Variants in DOCK2 observed in about 807,000 individuals in gnomAD.
DOCK2 encodes dedicator of cytokinesis 2.
Under a neutral mutation model 248.9 loss-of-function variants are expected in DOCK2, and 87 were observed. The observed-to-expected ratio is 0.35, with a 90% CI of 0.29 to 0.42. The LOEUF is 0.42. Ranked by LOEUF, DOCK2 falls within the 10% of genes least tolerant of loss-of-function variation. The pLI, the probability that DOCK2 is intolerant of heterozygous loss-of-function variation, is 1.00. For missense variants in DOCK2, 1,747 were observed against 2,300.2 expected (o/e 0.76, Z 4.92); for synonymous variants, 805 against 821.6 (o/e 0.98, Z 0.35).
At chr5:169,739,066 A>G (rs1209315930) in intron 22 of DOCK2, among the ~76,000 whole-genome samples, 2 of 152,204 alleles carry the variant, frequency 1.3e-5, no homozygotes, top group African/African-American at 4.8e-5. Context: ...TAGCAAGGAA[A>G]ATGTTAAAAG....
chr5:169,652,077 G>A (rs1288959194), intron 1 of DOCK2, among the ~76,000 whole-genome samples: 1 of 152,244 alleles, frequency 6.6e-6, no homozygotes, highest in African/African-American at 2.4e-5. Flanking sequence ...CAGTAAGGTA[G>A]GGACCATTAT....
intron 28 of DOCK2, among the ~76,000 whole-genome samples, chr5:169,985,348 CGTGT>C (rs5873200): frequency 0.23 from 31,147 of 136,574 alleles, 2,876 homozygotes; most frequent in East Asian, 0.36. Flanking sequence ...CTAATCTGCT[CGTGT>C]GTGTGTGTGT....
At chr5:169,884,654 G>A (rs1324001780) in intron 27 of DOCK2, 2 of 152,348 alleles carry the variant, frequency 1.3e-5, no homozygotes, top group African/African-American at 4.8e-5. Flanking sequence ...AATCACAGGG[G>A]ATTCAGTGGG....
chr5:169,844,747 T>C (rs1270623694), intron 27 of DOCK2, among the ~76,000 whole-genome samples: 3 of 152,024 alleles, frequency 2.0e-5, no homozygotes, highest in African/African-American at 7.3e-5. Flanking sequence ...TTTTTTTTTT[T>C]TGAGTCATTT....
intron 48 of DOCK2, among the ~76,000 whole-genome samples, chr5:170,078,565 G>C (rs1231303558): frequency 6.6e-6 from 1 of 152,180 alleles, no homozygotes; most frequent in African/African-American, 2.4e-5. Context: ...ACTCTGCAAG[G>C]TCTCTGCGAA....
rs370782268 is a variant in DOCK2 at position 169,928,625 on chromosome 5, A to G, written c.2800-54443A>G. 3.3e-4 allele frequency among the ~76,000 whole-genome samples: 50 copies of G among 152,330 alleles called. 1 individual carries two copies. The highest frequency in any genetic ancestry group is 2.1e-3 in the South Asian group (10 of 4,828). On this transcript the variant is annotated intron_variant, in intron 27 of 51. Coordinates refer to ENST00000520908, the MANE Select transcript of DOCK2 (RefSeq NM_004946.3). ...AAGGACAGTGTCATGGAGGCCTAGC[A>G]GGAGACAAACTTTTAAAAGAGGCAG...
At chr5:169,750,141 C>T (rs75617248) in intron 23 of DOCK2, among the ~76,000 whole-genome samples, 8 of 152,262 alleles carry the variant, frequency 5.3e-5, no homozygotes, top group South Asian at 2.1e-4. Flanking sequence ...AGGAGAAAGG[C>T]GCTGATGCCC....
chr5:169,705,242 T>C (rs1027909433), intron 14 of DOCK2, among the ~76,000 whole-genome samples: 1 of 152,166 alleles, frequency 6.6e-6, no homozygotes, highest in African/African-American at 2.4e-5. Flanking sequence ...GAGGGTCACA[T>C]TCAGAGAAGA....
intron 7 of DOCK2, among the ~76,000 whole-genome samples, chr5:169,683,720 A>T (rs1561596907): frequency 3.3e-5 from 5 of 151,874 alleles, no homozygotes. Flanking sequence ...TGTCATTTCC[A>T]CTTGTATTTT....
At chr5:169,652,448 G>C (rs1419562203) in intron 1 of DOCK2, among the ~76,000 whole-genome samples, 7 of 152,238 alleles carry the variant, frequency 4.6e-5, no homozygotes, top group African/African-American at 1.7e-4. Flanking sequence ...TCTCAGGATG[G>C]AGACTTCATC....
At chr5:169,875,649 A>G in intron 27 of DOCK2, 1 of 188,082 alleles carries the variant, frequency 5.3e-6, no homozygotes, top group South Asian at 9.8e-5. Flanking sequence ...CCTGAGCAAC[A>G]GTTCCTTCAT....
chr5:169,997,571 C>T (rs11958255), intron 30 of DOCK2, among the ~76,000 whole-genome samples: 2,508 of 139,836 alleles, frequency 0.018, 86 homozygotes, highest in African/African-American at 0.065. Flanking sequence ...TCCCTGGGTA[C>T]TTGAGATTAG....
intron 26 of DOCK2, among the ~76,000 whole-genome samples, chr5:169,826,723 A>C (rs1561739851): frequency 6.6e-6 from 1 of 152,218 alleles, no homozygotes; most frequent in Non-Finnish European, 1.5e-5. Flanking sequence ...CTTAATATGG[A>C]GAGGCAGTGT....
chr5:170,034,295 G>T, intron 34 of DOCK2, 104 bp from the exon 35 acceptor site: 1 of 1,427,048 alleles, frequency 7.0e-7, no homozygotes, highest in Non-Finnish European at 9.5e-7. Context: ...AGGGAACTTG[G>T]GTTGACTGAC....
chr5:169,968,543 G>A (rs747469046), intron 27 of DOCK2, among the ~76,000 whole-genome samples: 9 of 152,172 alleles, frequency 5.9e-5, no homozygotes, highest in Admixed American at 1.3e-4. Context: ...AGTGTTCTTC[G>A]ACTTCAGCAT....
chr5:169,726,445 G>A (rs547262223), intron 22 of DOCK2, among the ~76,000 whole-genome samples: 15 of 152,182 alleles, frequency 9.9e-5, no homozygotes, highest in East Asian at 7.7e-4. Flanking sequence ...ATTTTCTCCC[G>A]TTCTGTAGGT....
intron 9 of DOCK2, among the ~76,000 whole-genome samples, chr5:169,691,629 G>T (rs997990809): frequency 6.6e-6 from 1 of 152,170 alleles, no homozygotes; most frequent in African/African-American, 2.4e-5. Context: ...TTTCAACTGG[G>T]TGTTGAGGTG....
chr5:169,649,158 C>T (rs891312498), intron 1 of DOCK2, among the ~76,000 whole-genome samples: 1 of 152,222 alleles, frequency 6.6e-6, no homozygotes, highest in African/African-American at 2.4e-5. Context: ...AAGTGAGCTT[C>T]GGGCAATTAC....
In DOCK2 at chr5:169,856,359, C is replaced by T. The variant is rs184543045; in HGVS notation, c.2799+15507C>T. Among the ~76,000 whole-genome samples the T allele has an allele frequency of 2.3e-3, 345 of 152,254 alleles. 1 individual carries two copies. Among genetic ancestry groups the T allele is most frequent in the Non-Finnish European group, 4.2e-3 (284 of 68,030 alleles). On this transcript the variant is annotated intron_variant, in intron 27 of 51. Transcript: ENST00000520908. ...TGCACTGCATTTTCCGCTCAGTGTC[C>T]TTGGCACCTCACCTGGCAGAGATAA...
Sources: gnomAD v4.1 joint callset for allele counts (sites outside exome capture counted in the v4.1 genomes callset) on GRCh38, gnomAD v4.1.1 for gene constraint, MANE v1.5 for transcripts, NCBI Gene and HGNC (gene_info 2026-07-23, HGNC 2026-07-21) for gene names.